Variants in PFDN6 observed in about 807,000 individuals in gnomAD.
The protein encoded by PFDN6 is HLA class II region expressed gene KE2.
In PFDN6, 5 loss-of-function variants were observed where a neutral mutation model predicts 19.3. The observed-to-expected ratio is 0.26, with a 90% CI of 0.14 to 0.55. The LOEUF is 0.55. Ranked by LOEUF, PFDN6 falls within the 20% of genes least tolerant of loss-of-function variation. The probability of loss-of-function intolerance (pLI) is 0.94; values close to 1 mark genes in which losing one functional copy is unlikely to be tolerated. For synonymous variants in PFDN6, 51 were observed against 63.4 expected (o/e 0.80, Z 0.93); for missense variants, 101 against 149.4 (o/e 0.68, Z 1.69).
intron 3 of PFDN6, 31 bp from the exon 4 acceptor site, chr6:33,290,685 C>T: frequency 6.2e-7 from 1 of 1,609,716 alleles, no homozygotes. Context: ...TAATTTCTCC[C>T]TTTCTGCTTG....
chr6:33,289,713 G>T lies in PFDN6; in HGVS notation c.-144G>T, dbSNP rs532567628. The T allele has an allele frequency of 3.5e-5, 22 of 632,742 alleles. No homozygotes were observed. Among genetic ancestry groups the T allele is most frequent in the Non-Finnish European group, 5.7e-5 (22 of 388,626 alleles). The allele number at this position is 632,742 out of a possible 1,614,324, so 39.2% of individuals were successfully genotyped here. On this transcript the variant is annotated 5_prime_UTR_variant, in exon 1 of 4. Transcript: ENST00000374606. ...AGGGTGGAGTCGATATCCGGGACGG[G>T]GGGGAGGTTGCGGTGCCCCTCAGGG...
chr6:33,290,266 G>C (rs373417699), intron 2 of PFDN6, 22 bp downstream of exon 2: 1 of 1,614,090 alleles, frequency 6.2e-7, no homozygotes, highest in Non-Finnish European at 8.5e-7. Flanking sequence ...GGATTTGTGG[G>C]GCGAGGAGGG....
intron 1 of PFDN6, 113 bp from the exon 2 acceptor site, chr6:33,290,061 C>T (rs1404881613): frequency 6.0e-6 from 8 of 1,333,492 alleles, no homozygotes; most frequent in Non-Finnish European, 8.5e-6. Context: ...CCTGTTCACT[C>T]ACCCGCTGCC....
In PFDN6 at chr6:33,289,850, C is replaced by G; in HGVS notation, c.-7C>G. 6.3e-7 allele frequency: 1 copy of G among 1,590,412 alleles called. No homozygotes were observed. The highest frequency in any genetic ancestry group is 1.4e-5 in the African/African-American group (1 of 73,894). On this transcript the variant is annotated 5_prime_UTR_variant, in exon 1 of 4. The change creates a new upstream start codon in the 5' untranslated region. Coordinates refer to ENST00000374606, the MANE Select transcript of PFDN6 (RefSeq NM_001185181.3). Reference sequence around the variant, plus strand: ...TGTCTCGCACCCAGTAGGCTTTCATCCCCGCCATGGCGGAGCTGATCCAGA... The same window carrying G: ...TGTCTCGCACCCAGTAGGCTTTCATGCCCGCCATGGCGGAGCTGATCCAGA...
intron 1 of PFDN6, 88 bp from the exon 2 acceptor site, chr6:33,290,086 C>T: frequency 6.9e-7 from 1 of 1,443,568 alleles, no homozygotes; most frequent in Non-Finnish European, 9.7e-7. Flanking sequence ...TCCTTTTCTG[C>T]TTCCTCAGAT....
Position 33,289,705 on chromosome 6 carries a change from C to T in PFDN6, c.-152C>T. The T allele has an allele frequency of 1.6e-6, 1 of 617,286 alleles. No individual in the cohort carries two copies. Among genetic ancestry groups the T allele is most frequent in the South Asian group, 3.1e-5 (1 of 31,998 alleles). 38.2% of individuals were successfully genotyped at this position (617,286 alleles called of 1,614,324 possible). ...CTGGGGACAGGGTGGAGTCGATATC[C>T]GGGACGGGGGGGAGGTTGCGGTGCC... On this transcript the variant is annotated 5_prime_UTR_variant, in exon 1 of 4. Transcript: ENST00000374606.
Position 33,290,780 on chromosome 6 carries a change from G to A in PFDN6, c.325G>A (p.Ala109Thr). The A allele has an allele frequency of 6.2e-7, 1 of 1,609,632 alleles. No homozygotes were observed. Among genetic ancestry groups the A allele is most frequent in the Non-Finnish European group, 8.5e-7 (1 of 1,179,974 alleles). The change falls in exon 4 of 4, where the codon GCT (alanine) becomes ACT (threonine). Residue 109 changes from alanine (A) to threonine (T), a missense_variant. By Grantham distance (58) the Ala-to-Thr change is moderately conservative. Coordinates refer to ENST00000374606, the MANE Select transcript of PFDN6 (RefSeq NM_001185181.3). Reference protein sequence around the residue: ...RQSEQQRETLAQLQQEFQRAQ... With the variant: ...RQSEQQRETLTQLQQEFQRAQ... ...GTCAGAGCAACAGAGGGAGACCCTT[G>A]CTCAGCTGCAGCAGGAGTTCCAGCG...
At chr6:33,290,553 T>G in intron 3 of PFDN6, 103 bp downstream of exon 3, 5 of 1,480,944 alleles carry the variant, frequency 3.4e-6, no homozygotes, top group Non-Finnish European at 4.6e-6. Context: ...TAGTGGCCCC[T>G]AGTCCTCCAG....
In PFDN6 at chr6:33,289,934, G is replaced by C; in HGVS notation, c.64+14G>C. ...AGCTACAGAAGGGTAAGGGAACAGG[G>C]TCGGTATGGTCTCGCCCAATGCACT... is the stretch of plus-strand genomic sequence containing the variant. On this transcript the variant is annotated intron_variant, in intron 1 of 3. Transcript: ENST00000374606. 2 of 1,598,736 alleles carry C rather than the reference G, an allele frequency of 1.3e-6. No individual in the cohort carries two copies. The highest frequency in any genetic ancestry group is 1.7e-6 in the Non-Finnish European group (2 of 1,171,164).
chr6:33,289,958 C>G (rs1199229987), intron 1 of PFDN6, 38 bp downstream of exon 1: 1 of 1,549,346 alleles, frequency 6.5e-7, no homozygotes. Context: ...GCCCAATGCA[C>G]TTACAACCCA....
At chr6:33,289,427 G>C (rs1767074815), upstream of PFDN6, 1 of 1,297,344 alleles carries the variant, frequency 7.7e-7, no homozygotes, top group Admixed American at 3.7e-5. Context: ...GCTAAGTAGC[G>C]GTGCGGTTTC....
upstream of PFDN6, chr6:33,289,418 C>A (rs1181269808): frequency 2.3e-6 from 3 of 1,306,188 alleles, no homozygotes; most frequent in African/African-American, 1.5e-5. Flanking sequence ...GAGCCAGGGG[C>A]TAAGTAGCGG....
At chr6:33,289,293 C>G, upstream of PFDN6, 1 of 1,479,868 alleles carries the variant, frequency 6.8e-7, no homozygotes, top group Non-Finnish European at 8.9e-7. Flanking sequence ...ATGAAGCTCT[C>G]TAGGTGCCAT....
At chr6:33,290,563 G>A in intron 3 of PFDN6, 113 bp downstream of exon 3, 1 of 1,473,098 alleles carries the variant, frequency 6.8e-7, no homozygotes, top group Non-Finnish European at 9.2e-7. Context: ...TAGTCCTCCA[G>A]TTCCTCCAAC....
At chr6:33,289,418 C>T, upstream of PFDN6, 1 of 1,306,310 alleles carries the variant, frequency 7.7e-7, no homozygotes, top group Non-Finnish European at 9.7e-7. Flanking sequence ...GAGCCAGGGG[C>T]TAAGTAGCGG....
rs970841150 is a variant in PFDN6, at chr6:33,290,552, C to T, written c.260+102C>T. The stretch of plus-strand genomic sequence containing the variant: ...GCAGAACAGCTCTCCATAGTGGCCC[C>T]TAGTCCTCCAGTTCCTCCAACCCTT... On this transcript the variant is annotated intron_variant, in intron 3 of 3. Transcript: ENST00000374606. 3.4e-6 allele frequency: 5 copies of T among 1,483,256 alleles called. No individual in the cohort carries two copies. In the East Asian group the frequency reaches 1.1e-4, roughly 34 times the overall value. The allele number at this position is 1,483,256 out of a possible 1,614,324, so 91.9% of individuals were successfully genotyped here. A position where few individuals can be genotyped will look rare whatever the true frequency, so the allele number is the denominator to read the frequency against.
chr6:33,290,317 C>T lies in PFDN6; in HGVS notation c.136-9C>T. On this transcript the variant is annotated splice_polypyrimidine_tract_variant and intron_variant, in intron 2 of 3. Transcript: ENST00000374606. ...GGTTCTGATCACATATGTCCCATCC[C>T]TCCATCAGGAACTGGCCCTGCTGGA... is the stretch of plus-strand genomic sequence containing the variant. 6.2e-7 allele frequency: 1 copy of T among 1,610,250 alleles called. No individual in the cohort carries two copies. Among genetic ancestry groups the T allele is most frequent in the Non-Finnish European group, 8.5e-7 (1 of 1,176,996 alleles).
chr6:33,289,802 CAG>C lies in PFDN6; in HGVS notation c.-50_-49del, dbSNP rs1767137410. On this transcript the variant is annotated 5_prime_UTR_variant, in exon 1 of 4. Coordinates refer to ENST00000374606, the MANE Select transcript of PFDN6 (RefSeq NM_001185181.3). ...CAGAAAAGGGAGCTCAGGTACCTTC[CAG>C]AGAGTGAGACCCAGCGCCCTTGTCT... 7.0e-7 allele frequency: 1 copy of C among 1,424,580 alleles called. No homozygotes were observed. Among genetic ancestry groups the C allele is most frequent in the African/African-American group, 1.4e-5 (1 of 70,092 alleles). 88.2% of individuals were successfully genotyped at this position (1,424,580 alleles called of 1,614,324 possible). A position where few individuals can be genotyped will look rare whatever the true frequency, so the allele number is the denominator to read the frequency against.
Position 33,289,739 on chromosome 6 carries a change from C to A in PFDN6, c.-118C>A, listed in dbSNP as rs1045896905. ...GGGGAGGTTGCGGTGCCCCTCAGGGCTACCTCTCAAGAGTGCTATCATTTC... is the reference window on the plus strand; with the variant it reads ...GGGGAGGTTGCGGTGCCCCTCAGGGATACCTCTCAAGAGTGCTATCATTTC... On this transcript the variant is annotated 5_prime_UTR_variant, in exon 1 of 4. Transcript: ENST00000374606. 26 of 805,078 alleles carry A rather than the reference C, an allele frequency of 3.2e-5. No individual in the cohort carries two copies. Among genetic ancestry groups the A allele is most frequent in the Non-Finnish European group, 4.8e-5 (25 of 522,354 alleles). 49.9% of individuals were successfully genotyped at this position (805,078 alleles called of 1,614,324 possible). A position where few individuals can be genotyped will look rare whatever the true frequency, so the allele number is the denominator to read the frequency against.
Sources: allele counts gnomAD v4.1 joint callset, GRCh38; gene constraint gnomAD v4.1.1; transcripts MANE v1.5; gene names NCBI Gene and HGNC (gene_info 2026-07-23, HGNC 2026-07-21).